Variants in THUMPD2 observed in about 807,000 individuals in gnomAD.
The protein encoded by THUMPD2 is THUMP domain 2 tRNA and snRNA guanosine methyltransferase.
THUMPD2 carries 56 observed loss-of-function variants against 49.4 expected under a neutral mutation model. The ratio of observed to expected loss-of-function variants is 1.13; its 90% confidence interval spans 0.91 to 1.41. THUMPD2 has a LOEUF of 1.41. THUMPD2 is among the 40% of genes most tolerant of loss of function. The pLI, the probability that THUMPD2 is intolerant of heterozygous loss-of-function variation, is 0.00. For missense variants in THUMPD2, 709 were observed against 594.5 expected (o/e 1.19, Z -2.00); for synonymous variants, 237 against 205.2 (o/e 1.15, Z -1.32).
chr2:39,741,377 A>G (rs1404202430), intron 9 of THUMPD2, among the ~76,000 whole-genome samples: 3 of 152,232 alleles, frequency 2.0e-5, no homozygotes, highest in African/African-American at 7.2e-5. Flanking sequence ...AATACTTAAT[A>G]AACATCTGTA....
At chr2:39,750,246 C>T (rs57704430) in intron 8 of THUMPD2, among the ~76,000 whole-genome samples, 8,442 of 152,290 alleles carry the variant, frequency 0.055, 388 homozygotes, top group African/African-American at 0.12. Flanking sequence ...TTATCCACAA[C>T]CTCACCACCA....
chr2:39,768,588 A>T, intron 3 of THUMPD2, 87 bp from the exon 4 acceptor site: 1 of 1,062,390 alleles, frequency 9.4e-7, no homozygotes, highest in Non-Finnish European at 1.4e-6. Context: ...GTAGCCTATA[A>T]GAAAATCAAG....
At position 39,770,111 on chromosome 2, in the gene THUMPD2, A is replaced by G; in HGVS notation, c.271T>C (p.Phe91Leu). ...IISSVSKGKI[F>L]NEMQRLINED... ...TTTATAAGTCTTTGCATTTCATTAAATATTTTTCCTAAATAAGAAAAATCT... is the reference window on the plus strand; with the variant it reads ...TTTATAAGTCTTTGCATTTCATTAAGTATTTTTCCTAAATAAGAAAAATCT... Residue 91 changes from phenylalanine to leucine, a missense_variant, in exon 3 of 10, where the codon TTT (phenylalanine) becomes CTT (leucine). By Grantham distance (22) the Phe-to-Leu change is conservative. Coordinates refer to ENST00000505747, the MANE Select transcript of THUMPD2 (RefSeq NM_025264.5). 6.8e-7 allele frequency: 1 copy of G among 1,477,952 alleles called. No individual in the cohort carries two copies. Among genetic ancestry groups the G allele is most frequent in the Admixed American group, 2.7e-5 (1 of 37,198 alleles). 91.6% of individuals were successfully genotyped at this position (1,477,952 alleles called of 1,614,324 possible).
intron 7 of THUMPD2, 131 bp downstream of exon 7, chr2:39,755,758 G>GAGTAC (rs10688564): frequency 1.0e-5 from 7 of 681,518 alleles, no homozygotes; most frequent in East Asian, 2.8e-5. Context: ...CATCTATTTT[G>GAGTAC]AGTAAATAAT....
At chr2:39,752,195 T>C (rs1156795908) in intron 8 of THUMPD2, among the ~76,000 whole-genome samples, 2 of 152,250 alleles carry the variant, frequency 1.3e-5, no homozygotes, top group African/African-American at 2.4e-5. Flanking sequence ...TCATGCTGTG[T>C]GTTACACACT....
intron 1 of THUMPD2, among the ~76,000 whole-genome samples, chr2:39,775,760 C>CAAAA (rs774580208): frequency 4.7e-5 from 3 of 63,364 alleles, no homozygotes; most frequent in African/African-American, 1.3e-4. Context: ...AACACTATGT[C>CAAAA]AAAAAAAAAA....
In THUMPD2 at chr2:39,779,191, G is replaced by A. The variant is rs770958146; in HGVS notation, c.49C>T (p.Arg17Ter). Residue 17 changes from arginine (R) to a stop codon, truncating the protein, a stop_gained, in exon 1 of 10, where the codon CGA (arginine) becomes TGA (stop). Coordinates refer to ENST00000505747, the MANE Select transcript of THUMPD2 (RefSeq NM_025264.5). LOFTEE classifies it high-confidence loss of function. ...CCGCGACCCGCAGTGCAGAAGAATC[G>A]GGCGCCAGCCTCAGGCCCGGACCCT... is the stretch of plus-strand genomic sequence containing the variant. ...EPGSGPEAGA[R>*]FFCTAGRGLE... is the part of the protein sequence containing the mutation. The A allele has an allele frequency of 2.0e-6, 3 of 1,518,104 alleles. No individual in the cohort carries two copies. The highest frequency in any genetic ancestry group is 2.6e-6 in the Non-Finnish European group (3 of 1,138,540). 94.0% of individuals were successfully genotyped at this position (1,518,104 alleles called of 1,614,324 possible).
At chr2:39,748,872 C>T (rs1674994542) in intron 8 of THUMPD2, among the ~76,000 whole-genome samples, 1 of 151,876 alleles carries the variant, frequency 6.6e-6, no homozygotes, top group Admixed American at 6.6e-5. Context: ...GTCCTAGCTA[C>T]TTGGGAAGCT....
intron 4 of THUMPD2, 136 bp from the exon 5 acceptor site, chr2:39,766,245 A>G: frequency 1.1e-5 from 6 of 522,776 alleles, no homozygotes; most frequent in Non-Finnish European, 1.3e-5. Context: ...CATCATATCT[A>G]GAAAAATGTT....
intron 1 of THUMPD2, among the ~76,000 whole-genome samples, chr2:39,771,980 C>T (rs1196162400): frequency 6.6e-6 from 1 of 152,176 alleles, no homozygotes; most frequent in African/African-American, 2.4e-5. Context: ...CAGACACACA[C>T]TGACATACAC....
intron 3 of THUMPD2, chr2:39,769,169 G>A: frequency 2.7e-6 from 3 of 1,103,854 alleles, no homozygotes; most frequent in Non-Finnish European, 2.4e-6. Context: ...TATGGTATCA[G>A]GATTTCCAAA....
At position 39,766,079 on chromosome 2, in the gene THUMPD2, C is replaced by G; in HGVS notation, c.781G>C (p.Val261Leu). Residue 261 changes from valine to leucine, a missense_variant, in exon 5 of 10, where the codon GTG becomes CTG. Val to Leu is a conservative substitution (Grantham distance 32). Coordinates refer to ENST00000505747, the MANE Select transcript of THUMPD2 (RefSeq NM_025264.5). Reference sequence around the variant, plus strand: ...TACCTGAACACAGGAATCCCCACCACAGAGTAAATGTCATTTAGATGTATA... The same window carrying G: ...TACCTGAACACAGGAATCCCCACCAGAGAGTAAATGTCATTTAGATGTATA... Reference protein sequence around the residue: ...IFIHLNDIYSVVGIPVFRVSL... With the variant: ...IFIHLNDIYSLVGIPVFRVSL... The G allele has an allele frequency of 6.3e-7, 1 of 1,586,598 alleles. No individual in the cohort carries two copies. The highest frequency in any genetic ancestry group is 8.5e-7 in the Non-Finnish European group (1 of 1,170,358).
chr2:39,765,944 G>T, intron 5 of THUMPD2, 113 bp downstream of exon 5: 1 of 819,704 alleles, frequency 1.2e-6, no homozygotes, highest in Non-Finnish European at 2.0e-6. Flanking sequence ...CAAATGCTTT[G>T]CCTTTAGCCT....
chr2:39,747,093 G>A (rs1349029690), intron 8 of THUMPD2, among the ~76,000 whole-genome samples: 6 of 152,044 alleles, frequency 3.9e-5, no homozygotes, highest in East Asian at 3.8e-4. Flanking sequence ...AAATGTTGTC[G>A]GAACTTTTTC....
At chr2:39,744,590 A>C in intron 8 of THUMPD2, 112 bp from the exon 9 acceptor site, 1 of 638,304 alleles carries the variant, frequency 1.6e-6, no homozygotes, top group Non-Finnish European at 2.6e-6. Context: ...ATTAACATTT[A>C]GGGTTGCTAA....
At chr2:39,745,484 G>T (rs1052599528) in intron 8 of THUMPD2, among the ~76,000 whole-genome samples, 1 of 152,128 alleles carries the variant, frequency 6.6e-6, no homozygotes, top group African/African-American at 2.4e-5. Flanking sequence ...TGGTTTTAGG[G>T]TGTTGATATA....
At chr2:39,768,602 G>C in intron 3 of THUMPD2, 101 bp from the exon 4 acceptor site, 1 of 951,202 alleles carries the variant, frequency 1.1e-6, no homozygotes, top group South Asian at 1.5e-5. Flanking sequence ...AATCAAGTCA[G>C]GCTATCTGAT....
chr2:39,738,186 C>T (rs1354996556), intron 9 of THUMPD2, among the ~76,000 whole-genome samples: 1 of 152,146 alleles, frequency 6.6e-6, no homozygotes, highest in Non-Finnish European at 1.5e-5. Context: ...ATGAAGTAGA[C>T]ATCCTCAGAG....
intron 9 of THUMPD2, among the ~76,000 whole-genome samples, chr2:39,737,739 A>C (rs1467395372): frequency 4.6e-5 from 7 of 152,202 alleles, no homozygotes; most frequent in Non-Finnish European, 2.9e-5. Flanking sequence ...TCCCAGAGGA[A>C]GATACCTGTG....
Sources: allele counts gnomAD v4.1 joint callset (sites outside exome capture counted in the v4.1 genomes callset), GRCh38; gene constraint gnomAD v4.1.1; transcripts MANE v1.5; gene names NCBI Gene and HGNC (gene_info 2026-07-23, HGNC 2026-07-21).